The following CEP112 variants were observed in gnomAD, a reference collection of about 807,000 sequenced individuals.
CEP112 encodes centrosomal protein 112, also known as centrosomal protein of 112 kDa.
CEP112 carries 127 observed loss-of-function variants against 153.0 expected under a neutral mutation model. That is an observed-to-expected ratio of 0.83 (90% confidence interval 0.72 to 0.96). The LOEUF is 0.96. CEP112 is among the 40% of genes least tolerant of loss of function. The pLI is 0.00. For missense variants in CEP112, 1,089 were observed against 1,101.2 expected (o/e 0.99, Z 0.16); for synonymous variants, 358 against 374.4 (o/e 0.96, Z 0.51).
intron 19 of CEP112, among the ~76,000 whole-genome samples, chr17:65,917,130 G>C (rs1022105947): frequency 6.6e-6 from 1 of 152,136 alleles, no homozygotes; most frequent in Non-Finnish European, 1.5e-5. Context: ...GTGACTTGTG[G>C]TGTAGCTGCA....
chr17:65,843,381 T>C (rs1041703340), intron 21 of CEP112, among the ~76,000 whole-genome samples: 3 of 152,158 alleles, frequency 2.0e-5, no homozygotes, highest in Non-Finnish European at 4.4e-5. Flanking sequence ...AATTTTATAA[T>C]TCTAACCTGA....
chr17:65,843,546 C>G (rs1288123636), intron 21 of CEP112, among the ~76,000 whole-genome samples: 1 of 152,080 alleles, frequency 6.6e-6, no homozygotes, highest in African/African-American at 2.4e-5. Context: ...AATATTAATC[C>G]TTTAATTATA....
chr17:66,108,465 C>T (rs1022779219), intron 6 of CEP112, among the ~76,000 whole-genome samples: 2 of 152,112 alleles, frequency 1.3e-5, no homozygotes, highest in African/African-American at 2.4e-5. Context: ...TCTGAATAGA[C>T]ATGTCTTAAA....
intron 23 of CEP112, among the ~76,000 whole-genome samples, chr17:65,711,367 C>G (rs966797235): frequency 6.6e-6 from 1 of 152,112 alleles, no homozygotes; most frequent in Non-Finnish European, 1.5e-5. Flanking sequence ...CCTCAGTTTA[C>G]TCATTTGTAA....
intron 24 of CEP112, among the ~76,000 whole-genome samples, chr17:65,643,583 G>A (rs1446952603): frequency 6.6e-6 from 1 of 152,036 alleles, no homozygotes; most frequent in South Asian, 2.1e-4. Flanking sequence ...TTACAGGCGT[G>A]AGCCATGACA....
At chr17:65,980,942 T>C (rs1017822320) in intron 17 of CEP112, among the ~76,000 whole-genome samples, 1 of 152,076 alleles carries the variant, frequency 6.6e-6, no homozygotes, top group African/African-American at 2.4e-5. Flanking sequence ...CACACCCAGA[T>C]AATTTTTATG....
intron 16 of CEP112, among the ~76,000 whole-genome samples, chr17:66,008,086 AT>A (rs1337184847): frequency 6.6e-6 from 1 of 152,220 alleles, no homozygotes; most frequent in African/African-American, 2.4e-5. Flanking sequence ...GGCAAATAAA[AT>A]TATACATCTT....
chr17:65,916,289 G>GTGTGTGTGTATGTA (rs777844271), intron 19 of CEP112, among the ~76,000 whole-genome samples: 4 of 147,246 alleles, frequency 2.7e-5, no homozygotes, highest in South Asian at 2.3e-4. Context: ...GTGTGTGTGT[G>GTGTGTGTGTATGTA]TGTATGTGTG....
chr17:65,896,498 ACTT>A (rs1464169603), intron 20 of CEP112, among the ~76,000 whole-genome samples: 1 of 152,048 alleles, frequency 6.6e-6, no homozygotes, highest in Non-Finnish European at 1.5e-5. Flanking sequence ...CTAACTAAAT[ACTT>A]AAGAAATAGT....
At chr17:65,927,011 G>A (rs1041047798) in intron 19 of CEP112, among the ~76,000 whole-genome samples, 2 of 152,156 alleles carry the variant, frequency 1.3e-5, no homozygotes, top group Non-Finnish European at 2.9e-5. Context: ...TTGGAGGTGC[G>A]GCCTTGTGGG....
At chr17:65,862,945 CCTTA>C (rs1598811786) in intron 20 of CEP112, among the ~76,000 whole-genome samples, 1 of 151,850 alleles carries the variant, frequency 6.6e-6, no homozygotes, top group East Asian at 1.9e-4. Flanking sequence ...CTTCATTATT[CCTTA>C]CTTTTGTTTA....
chr17:65,975,647 C>T lies in CEP112; in HGVS notation c.1737-14049G>A, dbSNP rs147780915. ...CTGGAACTGAACCACAAAAAATACA[C>T]TACATATAAAAATGTGTGTGATACA... On this transcript the variant is annotated intron_variant, in intron 17 of 26. Transcript: ENST00000535342. 2.3e-3 allele frequency among the ~76,000 whole-genome samples: 343 copies of T among 152,240 alleles called. 1 individual carries two copies. Among genetic ancestry groups the T allele is most frequent in the African/African-American group, 7.1e-3 (294 of 41,548 alleles).
chr17:65,960,943 T>C (rs2062175937), intron 18 of CEP112, among the ~76,000 whole-genome samples: 1 of 152,132 alleles, frequency 6.6e-6, no homozygotes. Context: ...ATCTTTGCGA[T>C]GGGTACCCAG....
intron 23 of CEP112, among the ~76,000 whole-genome samples, chr17:65,689,435 CA>C (rs5821582): frequency 0.31 from 47,034 of 151,768 alleles, 7,669 homozygotes; most frequent in Middle Eastern, 0.48. Context: ...ATAAAATAGA[CA>C]AATTGGCAGA....
chr17:66,015,236 T>C (rs908654933), intron 16 of CEP112, among the ~76,000 whole-genome samples: 6 of 152,220 alleles, frequency 3.9e-5, no homozygotes, highest in African/African-American at 1.4e-4. Context: ...CTGAGGCAGA[T>C]AGTGGTTTTA....
chr17:65,652,232 A>G (rs1356331567), intron 24 of CEP112, among the ~76,000 whole-genome samples: 1 of 152,158 alleles, frequency 6.6e-6, no homozygotes, highest in African/African-American at 2.4e-5. Context: ...AATAAAGTGT[A>G]GGGATTAAGA....
At chr17:66,006,186 A>C (rs1317567311) in intron 16 of CEP112, among the ~76,000 whole-genome samples, 2 of 152,190 alleles carry the variant, frequency 1.3e-5, no homozygotes, top group Middle Eastern at 3.2e-3. Flanking sequence ...AATAATTTGT[A>C]TAACTATTTA....
intron 21 of CEP112, among the ~76,000 whole-genome samples, chr17:65,752,014 TCATC>T (rs150841318): frequency 0.39 from 31,109 of 80,752 alleles, 3,820 homozygotes; most frequent in East Asian, 0.5. Context: ...ACTGTTCCTT[TCATC>T]CATCCATCCA....
chr17:65,772,565 C>T (rs2053421830), intron 21 of CEP112, among the ~76,000 whole-genome samples: 1 of 148,590 alleles, frequency 6.7e-6, no homozygotes, highest in African/African-American at 2.5e-5. Flanking sequence ...TCAAAGACCC[C>T]TCTATTTATT....
Sources: gnomAD v4.1 joint callset for allele counts (sites outside exome capture counted in the v4.1 genomes callset) on GRCh38, gnomAD v4.1.1 for gene constraint, MANE v1.5 for transcripts, NCBI Gene and HGNC (gene_info 2026-07-23, HGNC 2026-07-21) for gene names.